TGM3: variants seen among roughly 807,000 people sequenced by gnomAD.
TGM3 encodes protein-glutamine gamma-glutamyltransferase E.
A neutral mutation model predicts 73.8 loss-of-function variants in TGM3; 52 were observed. That is an observed-to-expected ratio of 0.70 (90% CI 0.56 to 0.89). The LOEUF is 0.89. Ranked by LOEUF, TGM3 falls within the 40% of genes least tolerant of loss-of-function variation. The probability of loss-of-function intolerance (pLI) is 0.00; values close to 1 mark genes in which losing one functional copy is unlikely to be tolerated. For synonymous variants in TGM3, 372 were observed against 354.9 expected (o/e 1.05, Z -0.54); for missense variants, 928 against 909.9 (o/e 1.02, Z -0.26).
chr20:2,324,186 G>C (rs2014045), intron 7 of TGM3, among the ~76,000 whole-genome samples: 117,028 of 152,092 alleles, frequency 0.77, 45,167 homozygotes, highest in East Asian at 0.9. Flanking sequence ...AGATATTTGT[G>C]CTTTTTCCAG....
intron 1 of TGM3, among the ~76,000 whole-genome samples, chr20:2,300,789 A>G (rs1048194244): frequency 3.3e-5 from 5 of 152,188 alleles, no homozygotes; most frequent in African/African-American, 1.2e-4. Context: ...GAGGTCCTCA[A>G]TAGCAGCCCA....
chr20:2,334,645 C>T lies in TGM3; in HGVS notation c.1643-471C>T, dbSNP rs1439618193. On this transcript the variant is annotated intron_variant, in intron 10 of 12. Transcript: ENST00000381458. This position sits in a 1 kb window ranked among gnomAD's most constrained non-coding sequence, Gnocchi z 4.0. ...GTGGCATTTGTATTCTTCCACTGCC[C>T]CTCAGAAGGACACTTGTGGCTGGGA... is the stretch of plus-strand genomic sequence containing the variant. Among the ~76,000 whole-genome samples, 2 of 152,158 alleles carry T rather than the reference C, an allele frequency of 1.3e-5. No homozygotes were observed. Among genetic ancestry groups the T allele is most frequent in the Non-Finnish European group, 2.9e-5 (2 of 68,020 alleles).
At chr20:2,320,659 G>A (rs2084257616) in intron 7 of TGM3, among the ~76,000 whole-genome samples, 1 of 152,126 alleles carries the variant, frequency 6.6e-6, no homozygotes, top group African/African-American at 2.4e-5. Flanking sequence ...TTTGGCTTAA[G>A]AGTCACGCAG....
chr20:2,329,339 C>T (rs943106594), intron 9 of TGM3, among the ~76,000 whole-genome samples: 2 of 152,160 alleles, frequency 1.3e-5, no homozygotes, highest in African/African-American at 4.8e-5. Flanking sequence ...GTGATGGGGT[C>T]TGACTTCAAG....
In TGM3 at chr20:2,310,994, CT is replaced by C. The variant is rs2084200476; in HGVS notation, c.422-12del. The C allele has an allele frequency of 6.2e-7, 1 of 1,607,044 alleles. No individual in the cohort carries two copies. On this transcript the variant is annotated splice_polypyrimidine_tract_variant and intron_variant, in intron 3 of 12. Coordinates refer to ENST00000381458, the MANE Select transcript of TGM3 (RefSeq NM_003245.4). ...CGAGGATTCTAGTCGCTGGTGTCTG[CT>C]TTTTGTATCAAATAGTGGATAGCGT...
intron 5 of TGM3, among the ~76,000 whole-genome samples, chr20:2,314,645 C>A (rs1010071057): frequency 6.6e-6 from 1 of 151,276 alleles, no homozygotes; most frequent in Non-Finnish European, 1.5e-5. Flanking sequence ...TGCATGAGTC[C>A]GTTAGTTGCA....
At chr20:2,302,329 T>C (rs998030051) in intron 1 of TGM3, among the ~76,000 whole-genome samples, 3 of 152,202 alleles carry the variant, frequency 2.0e-5, no homozygotes, top group Non-Finnish European at 2.9e-5. Flanking sequence ...GGAGTCTTTC[T>C]CTGTGCTTTT....
intron 7 of TGM3, among the ~76,000 whole-genome samples, chr20:2,320,577 C>T (rs1475099004): frequency 6.6e-6 from 1 of 152,158 alleles, no homozygotes; most frequent in Non-Finnish European, 1.5e-5. Flanking sequence ...TTTTCTAGGC[C>T]TTTCTTTTAA....
At chr20:2,302,879 A>G (rs144732618) in intron 1 of TGM3, among the ~76,000 whole-genome samples, 1 of 152,344 alleles carries the variant, frequency 6.6e-6, no homozygotes, top group East Asian at 1.9e-4. Flanking sequence ...ACTCTCATTC[A>G]GCCATAAGAA....
intron 1 of TGM3, among the ~76,000 whole-genome samples, chr20:2,297,719 C>T (rs1409125337): frequency 6.6e-6 from 1 of 152,160 alleles, no homozygotes; most frequent in Non-Finnish European, 1.5e-5. Flanking sequence ...CAGTTCCCAG[C>T]TCAGCTCCGA....
At chr20:2,303,407 G>A in intron 1 of TGM3, among the ~76,000 whole-genome samples, 1 of 152,112 alleles carries the variant, frequency 6.6e-6, no homozygotes, top group South Asian at 2.1e-4. Context: ...CGGAAATGGG[G>A]AGTTCCTGCT....
At chr20:2,331,866 C>T in intron 9 of TGM3, 136 bp from the exon 10 acceptor site, 2 of 1,006,874 alleles carry the variant, frequency 2.0e-6, no homozygotes, top group Non-Finnish European at 2.9e-6. Context: ...AGCTGGAGAC[C>T]TGTGAAAGTC....
intron 1 of TGM3, among the ~76,000 whole-genome samples, chr20:2,306,295 T>C (rs2122213949): frequency 6.6e-6 from 1 of 152,246 alleles, no homozygotes; most frequent in Non-Finnish European, 1.5e-5. Flanking sequence ...TGGTCTAGAA[T>C]GAGCTTTATC....
intron 1 of TGM3, among the ~76,000 whole-genome samples, chr20:2,308,952 A>G (rs1159180223): frequency 6.6e-6 from 1 of 150,596 alleles, no homozygotes; most frequent in Non-Finnish European, 1.5e-5. Flanking sequence ...ACCTTGGCTC[A>G]CTGCAACCTC....
Position 2,332,279 on chromosome 20 carries a change from C to T in TGM3, c.1611C>T (p.Asp537=). The change falls in exon 10 of 13, where the codon GAC becomes GAT. Residue 537 remains aspartate (D), a synonymous_variant. Coordinates refer to ENST00000381458, the MANE Select transcript of TGM3 (RefSeq NM_003245.4). This position sits in a 1 kb window ranked among gnomAD's most constrained non-coding sequence, Gnocchi z 4.4. Reference sequence around the variant, plus strand: ...CGCTTGTACATGAAGTGTGGAAGGACTCTGCCACAATGTCCCTGGACCCTG... The same window carrying T: ...CGCTTGTACATGAAGTGTGGAAGGATTCTGCCACAATGTCCCTGGACCCTG... ...NGTLVHEVWK[D]SATMSLDPEE... is the part of the protein sequence containing the mutation. The T allele has an allele frequency of 2.5e-6, 4 of 1,610,190 alleles. No individual in the cohort carries two copies. The highest frequency in any genetic ancestry group is 3.4e-6 in the Non-Finnish European group (4 of 1,177,682).
At chr20:2,302,176 G>T (rs1372378240) in intron 1 of TGM3, among the ~76,000 whole-genome samples, 1 of 152,144 alleles carries the variant, frequency 6.6e-6, no homozygotes, top group Non-Finnish European at 1.5e-5. Flanking sequence ...CTGTGGTGTG[G>T]TCCTCCCTGG....
At position 2,334,800 on chromosome 20, in the gene TGM3, A is replaced by T. The variant is rs80323044; in HGVS notation, c.1643-316A>T. ...CTCTACAAATAATTTAAAAAATTTT[A>T]AAAAAAAAGGACACTTGCCCTCCAA... On this transcript the variant is annotated intron_variant, in intron 10 of 12. Coordinates refer to ENST00000381458, the MANE Select transcript of TGM3 (RefSeq NM_003245.4). This position sits in a 1 kb window ranked among gnomAD's most constrained non-coding sequence, Gnocchi z 4.0. 0.022 allele frequency among the ~76,000 whole-genome samples: 3,310 copies of T among 151,584 alleles called. 126 individuals are homozygous for T. The highest frequency in any genetic ancestry group is 0.074 in the African/African-American group (3,033 of 41,222).
chr20:2,305,102 C>G (rs545423310), intron 1 of TGM3, among the ~76,000 whole-genome samples: 26 of 152,236 alleles, frequency 1.7e-4, no homozygotes, highest in Admixed American at 1.5e-3. Context: ...CTCCTCAGGC[C>G]CCATCCTTTG....
At chr20:2,337,629 A>T (rs893585261) in intron 11 of TGM3, among the ~76,000 whole-genome samples, 6 of 151,774 alleles carry the variant, frequency 4.0e-5, no homozygotes, top group African/African-American at 1.5e-4. Context: ...CTGAGGCAGG[A>T]GAATTGCTTG....
Sources: allele counts gnomAD v4.1 joint callset (sites outside exome capture counted in the v4.1 genomes callset), GRCh38; gene constraint gnomAD v4.1.1; non-coding constraint Gnocchi (gnomAD v3.1); transcripts MANE v1.5; gene names NCBI Gene and HGNC (gene_info 2026-07-23, HGNC 2026-07-21).